The following COL22A1 variants were observed in gnomAD, a reference collection of about 807,000 sequenced individuals.
The protein encoded by COL22A1 is collagen type XXII alpha 1 chain.
Under a neutral mutation model 248.9 loss-of-function variants are expected in COL22A1, and 221 were observed. The observed-to-expected ratio is 0.89, with a 90% confidence interval of 0.80 to 0.99. The LOEUF (loss-of-function observed/expected upper bound fraction) is 0.99. Among genes scored for constraint, COL22A1 ranks in the 50% least tolerant of loss-of-function variants. The pLI is 0.00. For missense variants in COL22A1, 2,240 were observed against 2,179.0 expected (o/e 1.03, Z -0.56); for synonymous variants, 891 against 793.4 (o/e 1.12, Z -2.07).
At chr8:138,837,999 AG>A (rs1473420327) in intron 4 of COL22A1, among the ~76,000 whole-genome samples, 1 of 151,940 alleles carries the variant, frequency 6.6e-6, no homozygotes, top group Non-Finnish European at 1.5e-5. Flanking sequence ...GGAGTTCTTG[AG>A]GTGGGAGCTG....
chr8:138,647,572 G>C (rs1307987185), intron 46 of COL22A1, among the ~76,000 whole-genome samples: 2 of 152,124 alleles, frequency 1.3e-5, no homozygotes. Context: ...GGCACACATT[G>C]CATGTTCTTT....
At position 138,854,958 on chromosome 8, in the gene COL22A1, A is replaced by C. The variant is rs548777965; in HGVS notation, c.659-10800T>G. ...GTGGTGATGATGGTGATGATGGAGG[A>C]GGTGATGGTGATGGTGGGAGGGGAG... On this transcript the variant is annotated intron_variant, in intron 3 of 64. Transcript: ENST00000303045. 4.0e-5 allele frequency among the ~76,000 whole-genome samples: 6 copies of C among 151,750 alleles called. No individual in the cohort carries two copies. The South Asian group carries it at 1.3e-3, about 32-fold the overall frequency.
At chr8:138,720,629 G>T in intron 27 of COL22A1, 110 bp downstream of exon 27, 1 of 895,162 alleles carries the variant, frequency 1.1e-6, no homozygotes, top group Non-Finnish European at 1.9e-6. Context: ...CTCCTGCCAG[G>T]TCCCAGCTGA....
chr8:138,816,713 A>G (rs1184376658), intron 7 of COL22A1, among the ~76,000 whole-genome samples: 3 of 152,230 alleles, frequency 2.0e-5, no homozygotes, highest in Admixed American at 6.5e-5. Context: ...AGAGTCCATG[A>G]CAGCACAGTG....
At chr8:138,912,241 CA>C (rs768857407) in intron 1 of COL22A1, among the ~76,000 whole-genome samples, 31 of 152,242 alleles carry the variant, frequency 2.0e-4, no homozygotes, top group Non-Finnish European at 4.1e-4. Flanking sequence ...TCACATCCTT[CA>C]ACTGCAACTT....
chr8:138,887,210 C>A (rs2132091617), intron 1 of COL22A1, among the ~76,000 whole-genome samples: 1 of 152,008 alleles, frequency 6.6e-6, no homozygotes. Flanking sequence ...CTATCCTTCC[C>A]AGACTGTGGT....
chr8:138,813,084 T>C, intron 7 of COL22A1, 65 bp from the exon 8 acceptor site: 1 of 1,263,774 alleles, frequency 7.9e-7, no homozygotes, highest in South Asian at 1.2e-5. Context: ...ACCTCCGTGG[T>C]TTCACACAGG....
At chr8:138,844,256 G>A in intron 3 of COL22A1, 98 bp from the exon 4 acceptor site, 1 of 1,081,934 alleles carries the variant, frequency 9.2e-7, no homozygotes, top group Non-Finnish European at 1.4e-6. Flanking sequence ...CTGCCTTGCA[G>A]CATGTGAGGT....
intron 23 of COL22A1, among the ~76,000 whole-genome samples, chr8:138,735,981 A>C (rs1395966113): frequency 6.6e-6 from 1 of 152,066 alleles, no homozygotes; most frequent in Non-Finnish European, 1.5e-5. Flanking sequence ...CTGCTTTACC[A>C]CAGCTCCAGG....
At chr8:138,847,380 C>T (rs546970118) in intron 3 of COL22A1, among the ~76,000 whole-genome samples, 2 of 152,330 alleles carry the variant, frequency 1.3e-5, no homozygotes, top group East Asian at 3.9e-4. Context: ...GGAGGTGTAG[C>T]AGGCATCATT....
In COL22A1 at chr8:138,725,379, A is replaced by C. The variant is rs371649336; in HGVS notation, c.2193+8T>G. The C allele has an allele frequency of 1.2e-6, 2 of 1,614,048 alleles. No individual in the cohort carries two copies. Among genetic ancestry groups the C allele is most frequent in the Non-Finnish European group, 1.7e-6 (2 of 1,179,930 alleles). ...AGAGCCCCTGTAGAAAATCAAAGCC[A>C]GTCTTACCGGAGAACCTCCCGGTCC... On this transcript the variant is annotated splice_region_variant and intron_variant, in intron 24 of 64. Coordinates refer to ENST00000303045, the MANE Select transcript of COL22A1 (RefSeq NM_152888.3).
At chr8:138,830,352 G>A (rs1586844741) in intron 5 of COL22A1, among the ~76,000 whole-genome samples, 2 of 152,150 alleles carry the variant, frequency 1.3e-5, no homozygotes. Context: ...TTAAAAAGGT[G>A]AGAAAAAATG....
At chr8:138,901,933 G>C (rs1029699585) in intron 1 of COL22A1, among the ~76,000 whole-genome samples, 1 of 152,046 alleles carries the variant, frequency 6.6e-6, no homozygotes, top group African/African-American at 2.4e-5. Context: ...CCTGCTCCCC[G>C]AGACATGGTA....
At chr8:138,892,669 T>A (rs1380437352) in intron 1 of COL22A1, among the ~76,000 whole-genome samples, 1 of 152,230 alleles carries the variant, frequency 6.6e-6, no homozygotes, top group Non-Finnish European at 1.5e-5. Context: ...TTTAGTGAGC[T>A]GAGTTCCTTC....
At chr8:138,725,348 C>A in intron 24 of COL22A1, 39 bp downstream of exon 24, 2 of 1,605,414 alleles carry the variant, frequency 1.2e-6, no homozygotes, top group Non-Finnish European at 1.7e-6. Context: ...AGGAAACCAC[C>A]ATCTAAGAGC....
At position 138,656,110 on chromosome 8, in the gene COL22A1, A is replaced by G. The variant is rs1288065110; in HGVS notation, c.3286-166T>C. ...TGGATGTCCCAAGCCTGGGAGCCAC[A>G]GAAAGAACACTCCTCCAAGACAGCA... On this transcript the variant is annotated intron_variant, in intron 44 of 64. Transcript: ENST00000303045. Among the ~76,000 whole-genome samples, 3 of 152,334 alleles carry G rather than the reference A, an allele frequency of 2.0e-5. No homozygotes were observed. In the East Asian group the frequency reaches 5.8e-4, roughly 29 times the overall value.
At chr8:138,777,445 A>T (rs907309890) in intron 15 of COL22A1, among the ~76,000 whole-genome samples, 50 of 152,118 alleles carry the variant, frequency 3.3e-4, no homozygotes, top group African/African-American at 1.1e-3. Context: ...GACATTTTAC[A>T]CTGCTTCTTT....
intron 2 of COL22A1, among the ~76,000 whole-genome samples, chr8:138,880,934 C>T (rs1824151764): frequency 6.6e-6 from 1 of 152,234 alleles, no homozygotes; most frequent in African/African-American, 2.4e-5. Flanking sequence ...GCTCAGGGCA[C>T]ATTTTCTCCC....
intron 25 of COL22A1, among the ~76,000 whole-genome samples, chr8:138,722,577 G>C (rs766101124): frequency 2.6e-5 from 4 of 152,060 alleles, no homozygotes; most frequent in Non-Finnish European, 5.9e-5. Context: ...CTGTTATTTC[G>C]AATGCCAGCA....
Sources: allele counts gnomAD v4.1 joint callset (sites outside exome capture counted in the v4.1 genomes callset), GRCh38; gene constraint gnomAD v4.1.1; transcripts MANE v1.5; gene names NCBI Gene and HGNC (gene_info 2026-07-23, HGNC 2026-07-21).